Variants in HUWE1 observed in about 807,000 individuals in gnomAD.
HUWE1 encodes E3 ubiquitin-protein ligase HUWE1.
A neutral mutation model predicts 299.4 loss-of-function variants in HUWE1; 18 were observed. The observed-to-expected ratio is 0.06, with a 90% CI of 0.04 to 0.09. The LOEUF is 0.09. Ranked by LOEUF, HUWE1 falls within the 10% of genes least tolerant of loss-of-function variation. HUWE1 has a pLI of 1.00. For synonymous variants in HUWE1, 1,317 were observed against 1,286.1 expected, an observed-to-expected ratio of 1.02 and a Z score of -0.51; for missense variants, 1,832 against 3,462.3, an observed-to-expected ratio of 0.53 and a Z score of 11.82.
chrX:53,560,080 CAAG>C (rs2062216652), intron 56 of HUWE1, 105 bp downstream of exon 56: 35 of 681,135 alleles, frequency 5.1e-5, no homozygotes, highest in Middle Eastern at 9.0e-4. Flanking sequence ...GTGTGTATGA[CAAG>C]AACATTAAGT....
At chrX:53,674,100 G>A (rs2149566347) in intron 3 of HUWE1, among the ~76,000 whole-genome samples, 1 of 111,396 alleles carries the variant, frequency 9.0e-6, no homozygotes, top group South Asian at 3.7e-4. Flanking sequence ...TCAATCTAAT[G>A]ACTAAAAATG....
At chrX:53,604,030 A>G (rs782348036) in intron 26 of HUWE1, among the ~76,000 whole-genome samples, 1 of 111,890 alleles carries the variant, frequency 8.9e-6, no homozygotes, top group East Asian at 2.8e-4. Flanking sequence ...CAATTAACAG[A>G]GAACACACTC....
At chrX:53,682,924 C>A (rs1286138324) in intron 2 of HUWE1, among the ~76,000 whole-genome samples, 1 of 111,770 alleles carries the variant, frequency 8.9e-6, no homozygotes, top group Non-Finnish European at 1.9e-5. Flanking sequence ...ACTGCAATAT[C>A]CAAACACCGA....
At chrX:53,609,637 A>G (rs2065336918) in intron 23 of HUWE1, among the ~76,000 whole-genome samples, 1 of 112,281 alleles carries the variant, frequency 8.9e-6, no homozygotes, top group African/African-American at 3.2e-5. Flanking sequence ...AATGCAAAAA[A>G]CTACACATAT....
At chrX:53,533,885 A>C (rs1037941024) in intron 83 of HUWE1, 122 bp downstream of exon 83, 2 of 659,180 alleles carry the variant, frequency 3.0e-6, no homozygotes, top group Non-Finnish European at 5.0e-6. Flanking sequence ...CCAAATTGTG[A>C]GTTACCCAAG....
Position 53,547,820 on chromosome X carries a change from CAGT to C in HUWE1, c.10486_10488del (p.Thr3496del). ...GGGGGTGTGGGCGTGGTGGAGGCGGCAGTGGTGGTGGTGGTAGATGTGGTTGAG... is the reference window on the plus strand; with the variant it reads ...GGGGGTGTGGGCGTGGTGGAGGCGGCGGTGGTGGTGGTAGATGTGGTTGAG... On this transcript the variant is annotated inframe_deletion, in exon 68 of 84. Transcript: ENST00000262854. 11 of 1,197,573 alleles carry C rather than the reference CAGT, an allele frequency of 9.2e-6. No homozygotes were observed. Among genetic ancestry groups the C allele is most frequent in the Non-Finnish European group, 1.2e-5 (11 of 887,539 alleles).
At chrX:53,648,652 T>A (rs1238842559) in intron 4 of HUWE1, among the ~76,000 whole-genome samples, 20 of 87,987 alleles carry the variant, frequency 2.3e-4, no homozygotes, top group Non-Finnish European at 2.6e-4. Context: ...GTTAAACATC[T>A]AAAAAAAAAA....
chrX:53,640,184 C>T (rs781985037), intron 7 of HUWE1, among the ~76,000 whole-genome samples: 2 of 111,640 alleles, frequency 1.8e-5, no homozygotes, highest in South Asian at 7.5e-4. Flanking sequence ...CATGGTGAAA[C>T]CCCATCTCTA....
intron 60 of HUWE1, among the ~76,000 whole-genome samples, chrX:53,555,702 C>T (rs1279718540): frequency 2.0e-5 from 2 of 99,923 alleles, no homozygotes; most frequent in African/African-American, 7.6e-5. Flanking sequence ...AGTGCAGTGG[C>T]GTGTTCTCAG....
At chrX:53,636,393 T>C (rs2067211371) in intron 7 of HUWE1, among the ~76,000 whole-genome samples, 1 of 112,757 alleles carries the variant, frequency 8.9e-6, no homozygotes, top group Admixed American at 9.3e-5. Flanking sequence ...GACAAGAATC[T>C]GTAAAATACA....
intron 3 of HUWE1, among the ~76,000 whole-genome samples, chrX:53,677,272 T>C (rs937931980): frequency 1.8e-4 from 20 of 110,304 alleles, no homozygotes; most frequent in Non-Finnish European, 3.6e-4. Context: ...GCCAATCTTT[T>C]AGGAAGTCCT....
At chrX:53,555,143 CTG>C (rs1158747694) in intron 60 of HUWE1, among the ~76,000 whole-genome samples, 1 of 111,508 alleles carries the variant, frequency 9.0e-6, no homozygotes, top group African/African-American at 3.3e-5. Flanking sequence ...AGCTCTGACT[CTG>C]TGGATTCTAA....
intron 2 of HUWE1, among the ~76,000 whole-genome samples, chrX:53,682,295 T>C (rs868909964): frequency 7.2e-5 from 8 of 111,835 alleles, no homozygotes; most frequent in African/African-American, 2.0e-4. Context: ...ATCTGAAAAT[T>C]TGCCCAAGGT....
intron 21 of HUWE1, among the ~76,000 whole-genome samples, chrX:53,616,300 C>G (rs977999524): frequency 2.7e-5 from 3 of 110,659 alleles, no homozygotes; most frequent in Non-Finnish European, 5.7e-5. Flanking sequence ...CCTATCCCCC[C>G]AAATCACTAG....
chrX:53,567,999 A>G (rs1292467380), intron 49 of HUWE1, among the ~76,000 whole-genome samples: 1 of 112,400 alleles, frequency 8.9e-6, no homozygotes, highest in African/African-American at 3.2e-5. Flanking sequence ...AAGCAACTGC[A>G]CCAAGTTTAG....
Position 53,585,744 on chromosome X carries a change from C to T in HUWE1, c.4825-556G>A, listed in dbSNP as rs184080945. Among the ~76,000 whole-genome samples, 257 of 111,839 alleles carry T rather than the reference C, an allele frequency of 2.3e-3. 1 individual carries two copies. The highest frequency in any genetic ancestry group is 8.3e-4 in the Non-Finnish European group (44 of 53,151). On this transcript the variant is annotated intron_variant, in intron 39 of 83. Coordinates refer to ENST00000262854, the MANE Select transcript of HUWE1 (RefSeq NM_031407.7). ...TCACCTAGGCTGGAGTGCAGTGACG[C>T]GATGCCGGCTCGGTTCACTGCAACC...
intron 15 of HUWE1, 49 bp from the exon 16 acceptor site, chrX:53,627,928 G>A: frequency 8.7e-7 from 1 of 1,147,100 alleles, no homozygotes; most frequent in Non-Finnish European, 1.2e-6. Context: ...AAGACACAAA[G>A]TTGTAAAAAT....
At chrX:53,583,464 C>T in intron 42 of HUWE1, 94 bp downstream of exon 42, 1 of 655,594 alleles carries the variant, frequency 1.5e-6, no homozygotes, top group Admixed American at 2.2e-5. Flanking sequence ...AGCTATATAC[C>T]CTAAGAAGAA....
rs1157492611 is a variant in HUWE1 at position 53,632,547 on chromosome X, T to C, written c.585A>G (p.Ala195=). The C allele has an allele frequency of 8.4e-7, 1 of 1,196,192 alleles. No individual in the cohort carries two copies. The highest frequency in any genetic ancestry group is 3.0e-5 in the East Asian group (1 of 33,753). ...DLHMMKYPPS[A]TTLHFEFYAD... ...CATAGAATTCAAAGTGTAGTGTAGTTGCACTGGGTGGATATTTCTGTGTAT... is the reference window on the plus strand; with the variant it reads ...CATAGAATTCAAAGTGTAGTGTAGTCGCACTGGGTGGATATTTCTGTGTAT... The change falls in exon 9 of 84, where the codon GCA becomes GCG. Residue 195 remains alanine (A), a synonymous_variant. Transcript: ENST00000262854.
Sources: allele counts gnomAD v4.1 joint callset (sites outside exome capture counted in the v4.1 genomes callset), GRCh38; gene constraint gnomAD v4.1.1; transcripts MANE v1.5; gene names NCBI Gene and HGNC (gene_info 2026-07-23, HGNC 2026-07-21).